The following TAS1R1 variants were observed in gnomAD, a reference collection of about 807,000 sequenced individuals.
The protein encoded by TAS1R1 is taste 1 receptor member 1, also known as taste receptor type 1 member 1.
Under a neutral mutation model 45.8 loss-of-function variants are expected in TAS1R1, and 31 were observed. The ratio of observed to expected loss-of-function variants is 0.68; its 90% CI spans 0.51 to 0.91. TAS1R1 has a LOEUF of 0.91. Ranked by LOEUF, TAS1R1 falls within the 40% of genes least tolerant of loss-of-function variation. TAS1R1 has a pLI of 0.00. For synonymous variants in TAS1R1, 437 were observed against 448.4 expected, an observed-to-expected ratio of 0.97 and a Z score of 0.32; for missense variants, 1,051 against 1,063.9, an observed-to-expected ratio of 0.99 and a Z score of 0.17.
chr1:6,569,844 C>G (rs1639964427), intron 1 of TAS1R1, among the ~76,000 whole-genome samples: 1 of 152,084 alleles, frequency 6.6e-6, no homozygotes, highest in Non-Finnish European at 1.5e-5. Flanking sequence ...GCAGGAGTCT[C>G]TTTTACTCAC....
At chr1:6,564,749 G>A (rs1240995143) in intron 1 of TAS1R1, among the ~76,000 whole-genome samples, 1 of 152,114 alleles carries the variant, frequency 6.6e-6, no homozygotes, top group Non-Finnish European at 1.5e-5. Context: ...TAAGAATTTG[G>A]GCGACTACTG....
chr1:6,556,692 G>T (rs542984803), intron 1 of TAS1R1, among the ~76,000 whole-genome samples: 2 of 150,400 alleles, frequency 1.3e-5, no homozygotes, highest in African/African-American at 4.9e-5. Context: ...TTGAGCCACC[G>T]CGCCCGGCCT....
chr1:6,565,465 A>T (rs769092097), intron 1 of TAS1R1, among the ~76,000 whole-genome samples: 6 of 152,140 alleles, frequency 3.9e-5, no homozygotes, highest in Non-Finnish European at 8.8e-5. Context: ...TTAGAAAGGT[A>T]AGCTACAGGA....
Position 6,568,433 on chromosome 1 carries a change from C to T in TAS1R1, c.192-2476C>T, listed in dbSNP as rs1316927176. On this transcript the variant is annotated intron_variant, in intron 1 of 5. Transcript: ENST00000333172. Reference sequence around the variant, plus strand: ...TTGCGCCACTGCACTCCAGCCTGGGCAAGAGTGTGAGACTCCGTCTCAAAA... The same window carrying T: ...TTGCGCCACTGCACTCCAGCCTGGGTAAGAGTGTGAGACTCCGTCTCAAAA... Among the ~76,000 whole-genome samples the T allele has an allele frequency of 5.7e-5, 8 of 141,306 alleles. No individual in the cohort carries two copies. In the East Asian group the frequency reaches 1.6e-3, roughly 29 times the overall value. 92.7% of individuals were successfully genotyped at this position (141,306 alleles called of 152,430 possible).
In TAS1R1 at chr1:6,575,103, T is replaced by A; in HGVS notation, c.971T>A (p.Val324Glu). 2 of 1,586,890 alleles carry A rather than the reference T, an allele frequency of 1.3e-6. No individual in the cohort carries two copies. Among genetic ancestry groups the A allele is most frequent in the Non-Finnish European group, 8.6e-7 (1 of 1,166,660 alleles). Reference protein sequence around the residue: ...GIQRIGMVLGVAIQKRAVPGL... With the variant: ...GIQRIGMVLGEAIQKRAVPGL... ...CAGCGCATTGGGATGGTGCTGGGCG[T>A]GGCCATCCAGAAGAGGGCTGTCCCT... is the stretch of plus-strand genomic sequence containing the variant. The change falls in exon 3 of 6, where the codon GTG becomes GAG. Residue 324 changes from valine to glutamate, a missense_variant. Physicochemically the swap from Val to Glu is moderately radical, Grantham distance 121. Coordinates refer to ENST00000333172, the MANE Select transcript of TAS1R1 (RefSeq NM_138697.4).
rs752755030 is a variant in TAS1R1 at position 6,555,451 on chromosome 1, G to A, written c.78G>A (p.Thr26=). The change falls in exon 1 of 6, where the codon ACG becomes ACA. Residue 26 remains threonine (T), a synonymous_variant. Transcript: ENST00000333172. ...GCTGGGCCTTTGCCTGCCATAGCAC[G>A]GAGTCTTCTCCTGACTTCACCCTCC... The part of the protein sequence containing the change: ...SCCWAFACHS[T]ESSPDFTLPG... 18 of 1,606,922 alleles carry A rather than the reference G, an allele frequency of 1.1e-5. No individual in the cohort carries two copies. In the African/African-American group the frequency reaches 1.6e-4, roughly 14 times the overall value.
intron 1 of TAS1R1, among the ~76,000 whole-genome samples, chr1:6,563,460 G>C (rs188769057): frequency 2.6e-5 from 4 of 152,288 alleles, no homozygotes; most frequent in African/African-American, 9.6e-5. Flanking sequence ...GTTTTCTGTC[G>C]TATCTATGAT....
intron 1 of TAS1R1, among the ~76,000 whole-genome samples, chr1:6,556,527 A>C (rs886108095): frequency 6.6e-6 from 1 of 151,884 alleles, no homozygotes; most frequent in South Asian, 2.1e-4. Flanking sequence ...TAGCCTCGGG[A>C]GTAGCTGGAA....
rs571677184 is a variant in TAS1R1 at position 6,560,753 on chromosome 1, T to C, written c.191+5189T>C. ...ATCCCAGCACTTTGGGAGGCTGAGGTGGGCAGATCACGAGGTCAGGAGATC... is the reference window on the plus strand; with the variant it reads ...ATCCCAGCACTTTGGGAGGCTGAGGCGGGCAGATCACGAGGTCAGGAGATC... On this transcript the variant is annotated intron_variant, in intron 1 of 5. Transcript: ENST00000333172. 3.9e-5 allele frequency among the ~76,000 whole-genome samples: 6 copies of C among 151,930 alleles called. No homozygotes were observed. The South Asian group carries it at 1.0e-3, about 26-fold the overall frequency.
In TAS1R1 at chr1:6,575,082, G is replaced by T. The variant is rs530483330; in HGVS notation, c.950G>T (p.Arg317Leu). ...RHITGVPGIQ[R>L]IGMVLGVAIQ... ...ATCACTGGGGTGCCCGGGATCCAGCGCATTGGGATGGTGCTGGGCGTGGCC... is the reference window on the plus strand; with the variant it reads ...ATCACTGGGGTGCCCGGGATCCAGCTCATTGGGATGGTGCTGGGCGTGGCC... The change falls in exon 3 of 6, where the codon CGC (arginine) becomes CTC (leucine). Residue 317 changes from arginine (R) to leucine (L), a missense_variant. Transcript: ENST00000333172. 1.1e-5 allele frequency: 17 copies of T among 1,589,354 alleles called. No individual in the cohort carries two copies. Among genetic ancestry groups the T allele is most frequent in the Middle Eastern group, 1.7e-4 (1 of 5,900 alleles).
Position 6,579,714 on chromosome 1 carries a change from C to A in TAS1R1, c.*130C>A. 1 of 1,282,854 alleles carries A rather than the reference C, an allele frequency of 7.8e-7. No individual in the cohort carries two copies. The highest frequency in any genetic ancestry group is 1.0e-6 in the Non-Finnish European group (1 of 956,718). The allele number at this position is 1,282,854 out of a possible 1,614,324, so 79.5% of individuals were successfully genotyped here. Reference sequence around the variant, plus strand: ...TGGGACGTGTAAGCGCCTGGGAGAGCCTAGACCAGGCTCCGGGCTGCCAAT... The same window carrying A: ...TGGGACGTGTAAGCGCCTGGGAGAGACTAGACCAGGCTCCGGGCTGCCAAT... On this transcript the variant is annotated 3_prime_UTR_variant, in exon 6 of 6. Transcript: ENST00000333172.
rs1320688312 is a variant in TAS1R1, at chr1:6,574,197, G to A, written c.499-434G>A. ...ATCTGATGCTGCTGCTGATCTGACA[G>A]GAGGGGAGCAGCTGTAAATACAGAT... On this transcript the variant is annotated intron_variant, in intron 2 of 5. Transcript: ENST00000333172. The surrounding 1 kb of genome is among the most constrained non-coding windows in gnomAD (Gnocchi z 4.3). Among the ~76,000 whole-genome samples, 3 of 152,154 alleles carry A rather than the reference G, an allele frequency of 2.0e-5. No homozygotes were observed. Among genetic ancestry groups the A allele is most frequent in the Non-Finnish European group, 4.4e-5 (3 of 68,036 alleles).
Position 6,576,719 on chromosome 1 carries a change from G to A in TAS1R1, c.1473+92G>A, listed in dbSNP as rs1640188582. The A allele has an allele frequency of 3.4e-6, 5 of 1,480,954 alleles. No individual in the cohort carries two copies. In the African/African-American group the frequency reaches 5.5e-5, roughly 16 times the overall value. The allele number at this position is 1,480,954 out of a possible 1,614,324, so 91.7% of individuals were successfully genotyped here. On this transcript the variant is annotated intron_variant, in intron 4 of 5. Coordinates refer to ENST00000333172, the MANE Select transcript of TAS1R1 (RefSeq NM_138697.4). ...TGACACAGTGTACAGGGAGCAGGAG[G>A]GGGGCCCCAGGGGTCCAGCTGCCAC...
chr1:6,579,420 C>T lies in TAS1R1; in HGVS notation c.2362C>T (p.Leu788=), dbSNP rs770975603. ...TTASVYDGKY[L]PAANMMAGLS... is the part of the protein sequence containing the mutation. ...GGCCAGCGTCTACGACGGCAAGTAC[C>T]TGCCTGCGGCCAACATGATGGCTGG... The change falls in exon 6 of 6, where the codon CTG becomes TTG. Residue 788 remains leucine (L), a synonymous_variant. Coordinates refer to ENST00000333172, the MANE Select transcript of TAS1R1 (RefSeq NM_138697.4). 3.7e-6 allele frequency: 6 copies of T among 1,614,070 alleles called. No individual in the cohort carries two copies.
chr1:6,577,142 TGG>T, intron 5 of TAS1R1, 72 bp downstream of exon 5: 1 of 1,592,520 alleles, frequency 6.3e-7, no homozygotes, highest in South Asian at 1.1e-5. Flanking sequence ...GGGCCTCCCT[TGG>T]GCCCCATGTG....
intron 1 of TAS1R1, among the ~76,000 whole-genome samples, chr1:6,566,395 G>C (rs915503285): frequency 6.6e-6 from 1 of 152,144 alleles, no homozygotes; most frequent in Admixed American, 6.5e-5. Context: ...AGGGACTACA[G>C]GGTGAATAGG....
rs186545713 is a variant in TAS1R1 at position 6,573,196 on chromosome 1, C to G, written c.499-1435C>G. On this transcript the variant is annotated intron_variant, in intron 2 of 5. Transcript: ENST00000333172. Reference sequence around the variant, plus strand: ...GCCGGGCACCGGGCGCGGGGGCTCACGCCTGTAATCCCAGCACTTTGGGAG... The same window carrying G: ...GCCGGGCACCGGGCGCGGGGGCTCAGGCCTGTAATCCCAGCACTTTGGGAG... Among the ~76,000 whole-genome samples, 3 of 152,304 alleles carry G rather than the reference C, an allele frequency of 2.0e-5. No homozygotes were observed. The East Asian group carries it at 5.8e-4, about 29-fold the overall frequency.
At position 6,579,471 on chromosome 1, in the gene TAS1R1, G is replaced by A. The variant is rs745660862; in HGVS notation, c.2413G>A (p.Gly805Ser). The A allele has an allele frequency of 2.5e-6, 4 of 1,613,908 alleles. No individual in the cohort carries two copies. Among genetic ancestry groups the A allele is most frequent in the East Asian group, 2.2e-5 (1 of 44,898 alleles). Residue 805 changes from glycine to serine, a missense_variant, in exon 6 of 6, where the codon GGT becomes AGT. Coordinates refer to ENST00000333172, the MANE Select transcript of TAS1R1 (RefSeq NM_138697.4). The part of the protein sequence containing the change: ...AGLSSLSSGF[G>S]GYFLPKCYVI... ...GCTGAGCAGCCTGAGCAGCGGCTTC[G>A]GTGGGTATTTTCTGCCTAAGTGCTA...
At chr1:6,573,732 G>C (rs1167342680) in intron 2 of TAS1R1, among the ~76,000 whole-genome samples, 1 of 151,570 alleles carries the variant, frequency 6.6e-6, no homozygotes, top group Admixed American at 6.6e-5. Flanking sequence ...GCGCGATCTC[G>C]ACTCACTGCA....
Sources: gnomAD v4.1 joint callset for allele counts (sites outside exome capture counted in the v4.1 genomes callset) on GRCh38, gnomAD v4.1.1 for gene constraint, Gnocchi (gnomAD v3.1) non-coding constraint, MANE v1.5 for transcripts, NCBI Gene and HGNC (gene_info 2026-07-23, HGNC 2026-07-21) for gene names.